Variants in CABIN1 observed in about 807,000 individuals in gnomAD.
CABIN1 encodes the protein calcineurin binding protein 1.
A neutral mutation model predicts 227.7 loss-of-function variants in CABIN1; 133 were observed. The ratio of observed to expected loss-of-function variants is 0.58; its 90% confidence interval spans 0.51 to 0.67. The LOEUF is 0.67. Ranked by LOEUF, CABIN1 falls within the 30% of genes least tolerant of loss-of-function variation. The pLI, the probability that CABIN1 is intolerant of heterozygous loss-of-function variation, is 0.00. For synonymous variants in CABIN1, 1,086 were observed against 1,155.1 expected, an observed-to-expected ratio of 0.94 and a Z score of 1.21; for missense variants, 2,408 against 2,852.5, an observed-to-expected ratio of 0.84 and a Z score of 3.55.
At chr22:24,124,666 A>G (rs2043610415) in intron 28 of CABIN1, among the ~76,000 whole-genome samples, 1 of 152,214 alleles carries the variant, frequency 6.6e-6, no homozygotes, top group African/African-American at 2.4e-5. Context: ...TTGAGCCCAT[A>G]TAGGCACCCC....
At chr22:24,041,402 C>T in intron 5 of CABIN1, 129 bp downstream of exon 5, 15 of 1,177,630 alleles carry the variant, frequency 1.3e-5, no homozygotes, top group East Asian at 2.5e-5. Context: ...GTACCCAAGG[C>T]TCTAGGGTAG....
intron 33 of CABIN1, among the ~76,000 whole-genome samples, chr22:24,169,749 T>C (rs556496658): frequency 1.4e-4 from 21 of 152,248 alleles, no homozygotes; most frequent in African/African-American, 4.6e-4. Flanking sequence ...ACTCAGGAGA[T>C]AGGAGGGCTG....
intron 31 of CABIN1, among the ~76,000 whole-genome samples, chr22:24,165,919 C>A (rs2046419471): frequency 6.6e-6 from 1 of 152,208 alleles, no homozygotes; most frequent in Non-Finnish European, 1.5e-5. Context: ...GGTCCCAAGC[C>A]CTCTCCCTGG....
At chr22:24,024,459 TG>T (rs2035941792) in intron 1 of CABIN1, among the ~76,000 whole-genome samples, 1 of 152,234 alleles carries the variant, frequency 6.6e-6, no homozygotes, top group Non-Finnish European at 1.5e-5. Flanking sequence ...TCTTTGGTTT[TG>T]GTCTTAATAA....
chr22:24,021,891 G>T (rs2035750868), intron 1 of CABIN1, among the ~76,000 whole-genome samples: 1 of 151,664 alleles, frequency 6.6e-6, no homozygotes, highest in Non-Finnish European at 1.5e-5. Context: ...CACCATGTTG[G>T]CCAGGCTGGT....
intron 29 of CABIN1, among the ~76,000 whole-genome samples, chr22:24,136,745 A>G (rs1042360896): frequency 4.7e-5 from 7 of 150,090 alleles, no homozygotes; most frequent in Non-Finnish European, 1.0e-4. Flanking sequence ...ACACGCACAC[A>G]CACACACACA....
intron 1 of CABIN1, among the ~76,000 whole-genome samples, chr22:24,021,674 C>T (rs773307069): frequency 1.6e-4 from 24 of 151,912 alleles, no homozygotes; most frequent in Non-Finnish European, 2.5e-4. Context: ...GTCCTTGCAT[C>T]TCCTTTGGGT....
chr22:24,119,319 C>T (rs117809043), intron 27 of CABIN1, 48 bp from the exon 28 acceptor site: 2 of 1,520,792 alleles, frequency 1.3e-6, no homozygotes, highest in East Asian at 4.5e-5. Context: ...ACTGCATGGA[C>T]AGGGCCTAAA....
chr22:24,144,819 A>G (rs922083302), intron 29 of CABIN1, among the ~76,000 whole-genome samples: 4 of 152,210 alleles, frequency 2.6e-5, no homozygotes, highest in Non-Finnish European at 5.9e-5. Context: ...ATGTGACTGC[A>G]CAGCCCAGCC....
At chr22:24,068,773 G>T (rs920408650) in intron 16 of CABIN1, among the ~76,000 whole-genome samples, 2 of 152,098 alleles carry the variant, frequency 1.3e-5, no homozygotes, top group African/African-American at 4.8e-5. Flanking sequence ...CACATCTTTT[G>T]ATGTTTTCAT....
intron 33 of CABIN1, 72 bp from the exon 34 acceptor site, chr22:24,171,641 G>A (rs962852133): frequency 4.4e-6 from 7 of 1,580,970 alleles, no homozygotes; most frequent in African/African-American, 2.7e-5. Flanking sequence ...AGCACTGGTC[G>A]GCTGGCGGGC....
chr22:24,109,406 G>A (rs1310621707), intron 26 of CABIN1, among the ~76,000 whole-genome samples: 12 of 151,326 alleles, frequency 7.9e-5, no homozygotes, highest in Non-Finnish European at 5.9e-5. Context: ...GTACAGACGG[G>A]CATCTCCGTA....
intron 31 of CABIN1, among the ~76,000 whole-genome samples, chr22:24,165,970 C>T (rs1016770245): frequency 2.0e-5 from 3 of 152,208 alleles, no homozygotes; most frequent in African/African-American, 7.2e-5. Flanking sequence ...GTGTGTGCAT[C>T]GTCCCTTTTC....
chr22:24,170,113 C>T (rs374669875), intron 33 of CABIN1: 1 of 456,902 alleles, frequency 2.2e-6, no homozygotes, highest in Non-Finnish European at 4.4e-6. Context: ...CTCAGACCTA[C>T]CTGCCTGCTT....
Position 24,165,995 on chromosome 22 carries a change from T to C in CABIN1, c.5007+369T>C, listed in dbSNP as rs950692769. On this transcript the variant is annotated intron_variant, in intron 31 of 36. Coordinates refer to ENST00000263119, the MANE Select transcript of CABIN1 (RefSeq NM_012295.4). ...CGTCCCTTTTCAGCCTTGAGGCAGG[T>C]GCAGCAGTACCTCCTTCTCACAGCT... Among the ~76,000 whole-genome samples, 9 of 152,242 alleles carry C rather than the reference T, an allele frequency of 5.9e-5. No homozygotes were observed. The East Asian group carries it at 1.7e-3, about 29-fold the overall frequency.
intron 18 of CABIN1, among the ~76,000 whole-genome samples, chr22:24,074,913 C>T (rs2040335569): frequency 6.6e-6 from 1 of 152,202 alleles, no homozygotes; most frequent in South Asian, 2.1e-4. Context: ...CCAAAAGTAA[C>T]AGGGCATGGT....
chr22:24,103,276 C>A (rs767454563), intron 26 of CABIN1: 10 of 152,192 alleles, frequency 6.6e-5, no homozygotes, highest in Non-Finnish European at 1.3e-4. Flanking sequence ...CCTGCCTGCA[C>A]CTCCAGCAGG....
In CABIN1 at chr22:24,119,246, A is replaced by G. The variant is rs1381344881; in HGVS notation, c.4301-121A>G. 17 of 870,978 alleles carry G rather than the reference A, an allele frequency of 2.0e-5. No individual in the cohort carries two copies. In the South Asian group the frequency reaches 2.2e-4, roughly 11 times the overall value. The allele number at this position is 870,978 out of a possible 1,614,324, so 54.0% of individuals were successfully genotyped here. On this transcript the variant is annotated intron_variant, in intron 27 of 36. Transcript: ENST00000263119. Reference sequence around the variant, plus strand: ...CTGCTGGGTCCAGCATCCACTCAGCAAGGGCATTGATCCAGCCGTGCTGAT... The same window carrying G: ...CTGCTGGGTCCAGCATCCACTCAGCGAGGGCATTGATCCAGCCGTGCTGAT...
Position 24,177,793 on chromosome 22 carries a change from G to A in CABIN1, c.6495G>A (p.Ser2165=), listed in dbSNP as rs145349240. The A allele has an allele frequency of 1.1e-3, 1,837 of 1,608,330 alleles. 12 individuals are homozygous for A. The highest frequency in any genetic ancestry group is 3.3e-3 in the Middle Eastern group (20 of 6,036). The change falls in exon 36 of 37, where the codon TCG becomes TCA. Residue 2165 remains serine (S), a synonymous_variant. Transcript: ENST00000263119. The surrounding 1 kb of genome is among the most constrained non-coding windows in gnomAD (Gnocchi z 4.4). ...PTLLSPKGSI[S]EETKQKLKSA... ...TGCTCTCCCCCAAAGGCAGCATCTC[G>A]GAGGAGACCAAGCAGAAGCTGAAGG...
Sources: allele counts gnomAD v4.1 joint callset (sites outside exome capture counted in the v4.1 genomes callset), GRCh38; gene constraint gnomAD v4.1.1; non-coding constraint Gnocchi (gnomAD v3.1); transcripts MANE v1.5; gene names NCBI Gene and HGNC (gene_info 2026-07-23, HGNC 2026-07-21).